The following CRISP3 variants were observed in gnomAD, a reference collection of about 807,000 sequenced individuals.
CRISP3 encodes cysteine rich secretory protein 3.
In CRISP3, 33 loss-of-function variants were observed where a neutral mutation model predicts 36.1. That is an observed-to-expected ratio of 0.91 (90% CI 0.69 to 1.22). The LOEUF is 1.22. CRISP3 is among the 50% of genes most tolerant of loss of function. The pLI is 0.00. For synonymous variants in CRISP3, 117 were observed against 104.6 expected, an observed-to-expected ratio of 1.12 and a Z score of -0.72; for missense variants, 330 against 301.2, an observed-to-expected ratio of 1.10 and a Z score of -0.71.
Position 49,744,370 on chromosome 6 carries a change from A to G in CRISP3, c.-3T>C, listed in dbSNP as rs894239591. 15 of 1,533,216 alleles carry G rather than the reference A, an allele frequency of 9.8e-6. No homozygotes were observed. In the African/African-American group the frequency reaches 1.5e-4, roughly 15 times the overall value. 95.0% of individuals were successfully genotyped at this position (1,533,216 alleles called of 1,614,324 possible). On this transcript the variant is annotated 5_prime_UTR_variant, in exon 1 of 8. Coordinates refer to ENST00000263045, the MANE Select transcript of CRISP3 (RefSeq NM_006061.4). ...GCAGGATGAAGTATTTGTTTCATCT[A>G]TTGACAGAAGGAAGGTGCAGAGAGA...
In CRISP3 at chr6:49,731,023, C is replaced by T. The variant is rs944582884; in HGVS notation, c.649+140G>A. ...CACCACTGCACTCCAGCCTGGGCGA[C>T]AGAGCCAGACAGACTTTTTTTTCCT... On this transcript the variant is annotated intron_variant, in intron 7 of 7. Coordinates refer to ENST00000263045, the MANE Select transcript of CRISP3 (RefSeq NM_006061.4). The T allele has an allele frequency of 9.0e-6, 5 of 552,534 alleles. No homozygotes were observed. The Admixed American group carries it at 1.9e-4, about 21-fold the overall frequency. The allele number at this position is 552,534 out of a possible 1,614,324, so 34.2% of individuals were successfully genotyped here.
chr6:49,741,139 A>C (rs925355045), intron 1 of CRISP3, among the ~76,000 whole-genome samples: 4 of 105,860 alleles, frequency 3.8e-5, no homozygotes, highest in South Asian at 6.8e-4. Context: ...AAAACAAACA[A>C]AAAAAAACCA....
chr6:49,741,324 T>C (rs2127453706), intron 1 of CRISP3, among the ~76,000 whole-genome samples: 1 of 152,110 alleles, frequency 6.6e-6, no homozygotes, highest in East Asian at 1.9e-4. Flanking sequence ...TTTCCTGAAA[T>C]GTAATCTGAG....
At chr6:49,739,905 T>C (rs1439421318) in intron 1 of CRISP3, among the ~76,000 whole-genome samples, 1 of 152,234 alleles carries the variant, frequency 6.6e-6, no homozygotes, top group Non-Finnish European at 1.5e-5. Context: ...GTTATTTTGC[T>C]ATGTGTAAGT....
intron 1 of CRISP3, 113 bp from the exon 2 acceptor site, chr6:49,737,511 A>G: frequency 9.2e-7 from 1 of 1,092,212 alleles, no homozygotes; most frequent in Admixed American, 2.0e-5. Context: ...CAAATTCATT[A>G]TTAATGTAAC....
At chr6:49,733,571 C>T in intron 5 of CRISP3, 132 bp downstream of exon 5, 1 of 882,208 alleles carries the variant, frequency 1.1e-6, no homozygotes, top group Non-Finnish European at 1.7e-6. Flanking sequence ...CTGAAATACT[C>T]ACCAAATGCC....
chr6:49,736,726 T>C (rs1014299912), intron 2 of CRISP3, among the ~76,000 whole-genome samples: 46 of 152,126 alleles, frequency 3.0e-4, no homozygotes, highest in African/African-American at 1.1e-3. Context: ...CAAACTAAAA[T>C]CTCCTCTGAG....
At chr6:49,734,782 G>T (rs1440132434) in intron 4 of CRISP3, among the ~76,000 whole-genome samples, 1 of 151,934 alleles carries the variant, frequency 6.6e-6, no homozygotes, top group Admixed American at 6.6e-5. Flanking sequence ...TGTAAATTTG[G>T]TTTGCCTTTA....
rs192408027 is a variant in CRISP3, at chr6:49,735,602, G to A, written c.229-11C>T. The A allele has an allele frequency of 4.1e-4, 651 of 1,606,490 alleles. No individual in the cohort carries two copies. Among genetic ancestry groups the A allele is most frequent in the Non-Finnish European group, 5.1e-4 (597 of 1,175,378 alleles). The stretch of plus-strand genomic sequence containing the variant: ...CTCTTTGTTCCATTCCTGAAACAAG[G>A]ACAGAAAAAAGATATCCACTTAATG... On this transcript the variant is annotated splice_polypyrimidine_tract_variant and intron_variant, in intron 3 of 7. Coordinates refer to ENST00000263045, the MANE Select transcript of CRISP3 (RefSeq NM_006061.4).
At position 49,744,326 on chromosome 6, in the gene CRISP3, C is replaced by G. The variant is rs1248588821; in HGVS notation, c.37+5G>C. ...TCACCTTGAAATAAAGGAGTTATCA[C>G]TTACCAGTGGTTTCCAGAGCAGGAT... is the stretch of plus-strand genomic sequence containing the variant. On this transcript the variant is annotated splice_donor_5th_base_variant and intron_variant, in intron 1 of 7. Transcript: ENST00000263045. The G allele has an allele frequency of 6.6e-7, 1 of 1,524,930 alleles. No homozygotes were observed. Among genetic ancestry groups the G allele is most frequent in the East Asian group, 2.5e-5 (1 of 40,658 alleles). The allele number at this position is 1,524,930 out of a possible 1,614,324, so 94.5% of individuals were successfully genotyped here. A position where few individuals can be genotyped will look rare whatever the true frequency, so the allele number is the denominator to read the frequency against.
Position 49,744,317 on chromosome 6 carries a change from G to T in CRISP3, c.37+14C>A. 6.6e-7 allele frequency: 1 copy of T among 1,507,368 alleles called. No homozygotes were observed. The highest frequency in any genetic ancestry group is 1.2e-5 in the South Asian group (1 of 83,112). 93.4% of individuals were successfully genotyped at this position (1,507,368 alleles called of 1,614,324 possible). The stretch of plus-strand genomic sequence containing the variant: ...AAATAATGTTCACCTTGAAATAAAG[G>T]AGTTATCACTTACCAGTGGTTTCCA... On this transcript the variant is annotated intron_variant, in intron 1 of 7. Transcript: ENST00000263045.
rs750519433 is a variant in CRISP3, at chr6:49,728,829, A to G, written c.678T>C (p.Tyr226=). Residue 226 remains tyrosine (Y), a synonymous_variant, in exon 8 of 8, where the codon TAT becomes TAC. Coordinates refer to ENST00000263045, the MANE Select transcript of CRISP3 (RefSeq NM_006061.4). Reference sequence around the variant, plus strand: ...TGAGCTTCAAACTTTTACAGTTACTATAGAGATCTTCGTACTTGCAACCAT... The same window carrying G: ...TGAGCTTCAAACTTTTACAGTTACTGTAGAGATCTTCGTACTTGCAACCAT... ...CTNGCKYEDL[Y]SNCKSLKLTL... The G allele has an allele frequency of 1.9e-5, 30 of 1,612,134 alleles. No homozygotes were observed. The highest frequency in any genetic ancestry group is 1.9e-5 in the Non-Finnish European group (22 of 1,179,038).
chr6:49,732,273 G>A (rs1768932802), intron 6 of CRISP3, among the ~76,000 whole-genome samples: 1 of 152,080 alleles, frequency 6.6e-6, no homozygotes, highest in Non-Finnish European at 1.5e-5. Flanking sequence ...TCAATTTTCT[G>A]TATTAACAAT....
chr6:49,735,458 AT>A, intron 4 of CRISP3, 45 bp downstream of exon 4: 1 of 1,417,304 alleles, frequency 7.1e-7, no homozygotes, highest in Non-Finnish European at 9.9e-7. Context: ...ATGGTTTATT[AT>A]TTTACTTGTT....
chr6:49,729,299 G>A (rs536319358), intron 7 of CRISP3, among the ~76,000 whole-genome samples: 2 of 152,190 alleles, frequency 1.3e-5, no homozygotes, highest in Non-Finnish European at 2.9e-5. Flanking sequence ...ATGTGTCTAA[G>A]GGCTACTTTA....
chr6:49,730,064 C>T (rs1768875538), intron 7 of CRISP3, among the ~76,000 whole-genome samples: 1 of 151,908 alleles, frequency 6.6e-6, no homozygotes, highest in African/African-American at 2.4e-5. Context: ...ATTATAGCTA[C>T]ACAATTCAGT....
chr6:49,739,766 G>GA (rs11432427), intron 1 of CRISP3, among the ~76,000 whole-genome samples: 21,419 of 149,778 alleles, frequency 0.14, 1,695 homozygotes, highest in African/African-American at 0.21. Flanking sequence ...TAGAAAGAAT[G>GA]AAAAAAAAAT....
intron 6 of CRISP3, 25 bp downstream of exon 6, chr6:49,733,170 A>C: frequency 2.3e-6 from 3 of 1,329,102 alleles, no homozygotes; most frequent in Non-Finnish European, 3.2e-6. Context: ...CATTATTGAC[A>C]ATAAACGCTA....
In CRISP3 at chr6:49,728,522, T is replaced by C; in HGVS notation, c.*208A>G. The C allele has an allele frequency of 2.8e-6, 1 of 363,042 alleles. No individual in the cohort carries two copies. The allele number at this position is 363,042 out of a possible 1,614,324, so 22.5% of individuals were successfully genotyped here. ...ATATATAAAAATCCAAAGTTGTTGT[T>C]ATAGATTTTGTTTCTTTTTAACCAT... On this transcript the variant is annotated 3_prime_UTR_variant, in exon 8 of 8. Coordinates refer to ENST00000263045, the MANE Select transcript of CRISP3 (RefSeq NM_006061.4).
Sources: gnomAD v4.1 joint callset for allele counts (sites outside exome capture counted in the v4.1 genomes callset) on GRCh38, gnomAD v4.1.1 for gene constraint, MANE v1.5 for transcripts, NCBI Gene and HGNC (gene_info 2026-07-23, HGNC 2026-07-21) for gene names.